Variants in GAP43 observed in about 807,000 individuals in gnomAD.
GAP43 encodes growth associated protein 43, also known as neuromodulin.
GAP43 carries 6 observed loss-of-function variants against 18.6 expected under a neutral mutation model. The observed-to-expected ratio is 0.32, with a 90% CI of 0.18 to 0.64. GAP43 has a LOEUF of 0.64. Among genes scored for constraint, GAP43 ranks in the 30% least tolerant of loss-of-function variants. The pLI is 0.78. For missense variants in GAP43, 292 were observed against 295.5 expected (o/e 0.99, Z 0.09); for synonymous variants, 115 against 111.4 (o/e 1.03, Z -0.20).
intron 1 of GAP43, among the ~76,000 whole-genome samples, chr3:115,675,125 G>A (rs1184915304): frequency 1.3e-5 from 2 of 152,112 alleles, no homozygotes; most frequent in East Asian, 3.9e-4. Context: ...AGGCTGAAGT[G>A]CAGTGACACA....
chr3:115,702,257 T>C (rs2107368733), intron 2 of GAP43, among the ~76,000 whole-genome samples: 1 of 152,228 alleles, frequency 6.6e-6, no homozygotes, highest in Non-Finnish European at 1.5e-5. Flanking sequence ...CTTACAGTGA[T>C]CTTTAAGGAT....
intron 1 of GAP43, among the ~76,000 whole-genome samples, chr3:115,670,008 T>A (rs1423457965): frequency 1.4e-5 from 2 of 145,756 alleles, no homozygotes; most frequent in African/African-American, 2.5e-5. Flanking sequence ...TTTTTTTTTT[T>A]ATTATACTCT....
chr3:115,721,163 G>T lies in GAP43; in HGVS notation c.*281G>T. The T allele has an allele frequency of 4.6e-6, 1 of 218,300 alleles. No homozygotes were observed. Among genetic ancestry groups the T allele is most frequent in the Non-Finnish European group, 9.3e-6 (1 of 107,678 alleles). The allele number at this position is 218,300 out of a possible 1,614,324, so 13.5% of individuals were successfully genotyped here. On this transcript the variant is annotated 3_prime_UTR_variant, in exon 3 of 3. Coordinates refer to ENST00000305124, the MANE Select transcript of GAP43 (RefSeq NM_002045.4). Reference sequence around the variant, plus strand: ...GGTAATGATGATTCAATCATTTTGGGAAATTCTTGCACTGTATCCAAGTTA... The same window carrying T: ...GGTAATGATGATTCAATCATTTTGGTAAATTCTTGCACTGTATCCAAGTTA...
intron 2 of GAP43, among the ~76,000 whole-genome samples, chr3:115,694,308 C>T (rs762987216): frequency 3.9e-5 from 6 of 152,154 alleles, no homozygotes; most frequent in South Asian, 2.1e-4. Flanking sequence ...TATAATTAAT[C>T]GGGCTTTCCT....
intron 2 of GAP43, among the ~76,000 whole-genome samples, chr3:115,681,936 C>G (rs183653025): frequency 6.6e-6 from 1 of 152,264 alleles, no homozygotes; most frequent in Admixed American, 6.5e-5. Context: ...ATGCTGAACC[C>G]TGACACTTAT....
At chr3:115,638,330 T>C (rs567063209) in intron 1 of GAP43, among the ~76,000 whole-genome samples, 1 of 152,220 alleles carries the variant, frequency 6.6e-6, no homozygotes, top group African/African-American at 2.4e-5. Context: ...TTAACAACCA[T>C]GCGCCTCTTG....
chr3:115,647,756 A>AAG (rs1244182588), intron 1 of GAP43, among the ~76,000 whole-genome samples: 2 of 88,062 alleles, frequency 2.3e-5, no homozygotes, highest in Non-Finnish European at 5.2e-5. Context: ...AAAACAAAAA[A>AAG]ACAAAAAAAA....
chr3:115,668,958 G>A (rs1322395030), intron 1 of GAP43, among the ~76,000 whole-genome samples: 1 of 151,760 alleles, frequency 6.6e-6, no homozygotes, highest in South Asian at 2.1e-4. Context: ...TGGAAGGATT[G>A]CTTGAGCTTG....
intron 2 of GAP43, among the ~76,000 whole-genome samples, chr3:115,704,749 G>C (rs938697832): frequency 5.3e-5 from 8 of 152,046 alleles, no homozygotes; most frequent in African/African-American, 1.4e-4. Flanking sequence ...CCAAGGCTAT[G>C]AAAGGCAATA....
intron 2 of GAP43, among the ~76,000 whole-genome samples, chr3:115,680,344 C>T (rs1358985176): frequency 6.6e-6 from 1 of 152,028 alleles, no homozygotes. Flanking sequence ...AGGTCCCAGC[C>T]ACTCTGGAGG....
intron 2 of GAP43, among the ~76,000 whole-genome samples, chr3:115,689,709 G>A (rs1171235215): frequency 6.6e-6 from 1 of 152,172 alleles, no homozygotes; most frequent in Admixed American, 6.5e-5. Flanking sequence ...AGGTGGGGAT[G>A]TGGATAGAGA....
intron 1 of GAP43, among the ~76,000 whole-genome samples, chr3:115,675,787 A>AT (rs1708875597): frequency 7.6e-6 from 1 of 131,510 alleles, no homozygotes; most frequent in Middle Eastern, 4.3e-3. Context: ...AAAAAAAAAA[A>AT]ATGGCCAGTG....
In GAP43 at chr3:115,720,945, C is replaced by A; in HGVS notation, c.*63C>A. Reference sequence around the variant, plus strand: ...TCTCCTGAGCCTGTCTCTCCCTACCCTCTTCTCAGCTCCACTCTGAAGTCC... The same window carrying A: ...TCTCCTGAGCCTGTCTCTCCCTACCATCTTCTCAGCTCCACTCTGAAGTCC... On this transcript the variant is annotated 3_prime_UTR_variant, in exon 3 of 3. Coordinates refer to ENST00000305124, the MANE Select transcript of GAP43 (RefSeq NM_002045.4). 3.7e-6 allele frequency: 4 copies of A among 1,085,616 alleles called. No homozygotes were observed. The South Asian group carries it at 4.1e-5, about 11-fold the overall frequency. 67.2% of individuals were successfully genotyped at this position (1,085,616 alleles called of 1,614,324 possible).
chr3:115,654,441 A>G (rs1708556508), intron 1 of GAP43, among the ~76,000 whole-genome samples: 1 of 152,158 alleles, frequency 6.6e-6, no homozygotes, highest in Non-Finnish European at 1.5e-5. Flanking sequence ...AGCAGACCCA[A>G]TGCTACTTCA....
intron 1 of GAP43, among the ~76,000 whole-genome samples, chr3:115,631,877 T>C (rs1316640471): frequency 6.6e-6 from 1 of 152,174 alleles, no homozygotes; most frequent in Non-Finnish European, 1.5e-5. Flanking sequence ...CACCTCGGCC[T>C]CTCAAAGTGT....
chr3:115,641,975 T>C (rs1708402941), intron 1 of GAP43, among the ~76,000 whole-genome samples: 1 of 152,046 alleles, frequency 6.6e-6, no homozygotes, highest in African/African-American at 2.4e-5. Context: ...GAGCAGATTT[T>C]GAAACACTGA....
chr3:115,677,735 G>A lies in GAP43; in HGVS notation c.628+1125G>A, dbSNP rs75173136. Among the ~76,000 whole-genome samples the A allele has an allele frequency of 2.9e-3, 448 of 152,250 alleles. 2 individuals are homozygous for A. Among genetic ancestry groups the A allele is most frequent in the African/African-American group, 0.01 (428 of 41,542 alleles). On this transcript the variant is annotated intron_variant, in intron 2 of 2. Coordinates refer to ENST00000305124, the MANE Select transcript of GAP43 (RefSeq NM_002045.4). ...GTTTGTCATCCAAGGGTCCAAATAC[G>A]GACTGAACCACCGTGTGCTCCTTGG...
intron 1 of GAP43, among the ~76,000 whole-genome samples, chr3:115,641,543 C>CACACACACAT (rs148731356): frequency 0.02 from 3,077 of 150,308 alleles, 64 homozygotes; most frequent in South Asian, 0.086. Flanking sequence ...CACACACACA[C>CACACACACAT]GGTGCTTTCC....
At chr3:115,672,960 CA>C in intron 1 of GAP43, among the ~76,000 whole-genome samples, 1 of 152,130 alleles carries the variant, frequency 6.6e-6, no homozygotes, top group South Asian at 2.1e-4. Flanking sequence ...TGGGTATAGT[CA>C]CTTATTTGGG....
Sources: gnomAD v4.1 joint callset for allele counts (sites outside exome capture counted in the v4.1 genomes callset) on GRCh38, gnomAD v4.1.1 for gene constraint, MANE v1.5 for transcripts, NCBI Gene and HGNC (gene_info 2026-07-23, HGNC 2026-07-21) for gene names.